Variants in RTN4 observed in about 807,000 individuals in gnomAD.
RTN4 encodes the protein reticulon 4.
RTN4 carries 32 observed loss-of-function variants against 90.4 expected under a neutral mutation model. The observed-to-expected ratio is 0.35, with a 90% CI of 0.27 to 0.48. The LOEUF is 0.48. Ranked by LOEUF, RTN4 falls within the 20% of genes least tolerant of loss-of-function variation. RTN4 has a pLI of 0.99. For missense variants in RTN4, 1,706 were observed against 1,430.2 expected (o/e 1.19, Z -3.11); for synonymous variants, 629 against 552.5 (o/e 1.14, Z -1.94).
chr2:55,113,241 G>A (rs1310997211), upstream of RTN4, among the ~76,000 whole-genome samples: 1 of 152,232 alleles, frequency 6.6e-6, no homozygotes, highest in South Asian at 2.1e-4. Flanking sequence ...GCTTCCTGGG[G>A]TGGGAAAAGG....
intron 3 of RTN4, among the ~76,000 whole-genome samples, chr2:55,001,364 G>C (rs913015331): frequency 6.6e-6 from 1 of 152,122 alleles, no homozygotes; most frequent in Admixed American, 6.5e-5. Context: ...AAAAATATGC[G>C]TCTCTAGCTC....
At chr2:55,014,828 T>C (rs1403819102) in intron 3 of RTN4, among the ~76,000 whole-genome samples, 1 of 152,124 alleles carries the variant, frequency 6.6e-6, no homozygotes, top group African/African-American at 2.4e-5. Flanking sequence ...AGCACGCATT[T>C]TTAAATTCTG....
At chr2:55,124,799 T>C in the RTN4 span, among the ~76,000 whole-genome samples, 2 of 152,186 alleles carry the variant, frequency 1.3e-5, no homozygotes, top group African/African-American at 4.8e-5. Context: ...TATCACATTA[T>C]GCAAGTTTAA....
At chr2:55,033,031 T>G (rs1222964934) in intron 1 of RTN4, among the ~76,000 whole-genome samples, 1 of 143,132 alleles carries the variant, frequency 7.0e-6, no homozygotes, top group Non-Finnish European at 1.5e-5. Context: ...CCTGTCTCTT[T>G]AAAAAAGACT....
At chr2:55,078,938 A>C (rs1668653535) in intron 2 of RTN4, among the ~76,000 whole-genome samples, 1 of 152,236 alleles carries the variant, frequency 6.6e-6, no homozygotes, top group African/African-American at 2.4e-5. Flanking sequence ...CTTGGGAATA[A>C]GGAGAGGAAA....
chr2:55,062,582 C>T (rs928414464), intron 2 of RTN4, among the ~76,000 whole-genome samples: 1 of 152,204 alleles, frequency 6.6e-6, no homozygotes, highest in Non-Finnish European at 1.5e-5. Context: ...CAAATTTGAA[C>T]ATTTTTGGCA....
At chr2:55,041,449 ATATT>A (rs1194747421) in intron 1 of RTN4, among the ~76,000 whole-genome samples, 1 of 152,112 alleles carries the variant, frequency 6.6e-6, no homozygotes, top group African/African-American at 2.4e-5. Flanking sequence ...GCCAAGAAAA[ATATT>A]TATGGAAAAG....
At chr2:55,053,691 A>C (rs886409558), upstream of RTN4, among the ~76,000 whole-genome samples, 5 of 110,810 alleles carry the variant, frequency 4.5e-5, no homozygotes, top group South Asian at 2.5e-4. Context: ...CATCTCAAAA[A>C]AAAACAAAAA....
chr2:55,046,163 T>C (rs1667706419), intron 1 of RTN4, among the ~76,000 whole-genome samples: 2 of 152,252 alleles, frequency 1.3e-5, no homozygotes, highest in African/African-American at 2.4e-5. Flanking sequence ...GGCTAGTCTA[T>C]GCTTCTAACC....
intron 3 of RTN4, among the ~76,000 whole-genome samples, chr2:55,003,119 T>C (rs2104756109): frequency 6.6e-6 from 1 of 151,886 alleles, no homozygotes; most frequent in Non-Finnish European, 1.5e-5. Context: ...TATACTGGAG[T>C]TGGGGGAGGG....
chr2:55,007,358 C>A (rs1680303672), intron 3 of RTN4, among the ~76,000 whole-genome samples: 1 of 152,092 alleles, frequency 6.6e-6, no homozygotes, highest in South Asian at 2.1e-4. Flanking sequence ...TTATGCAGCA[C>A]CCTAAACCAA....
At chr2:55,127,011 G>A in the RTN4 span, among the ~76,000 whole-genome samples, 2 of 152,302 alleles carry the variant, frequency 1.3e-5, no homozygotes, top group South Asian at 2.1e-4. Flanking sequence ...GTCTACTTGA[G>A]GGGGAGAGTA....
intron 3 of RTN4, among the ~76,000 whole-genome samples, chr2:54,996,350 T>C (rs1185365105): frequency 1.3e-5 from 2 of 152,188 alleles, no homozygotes; most frequent in Admixed American, 1.3e-4. Context: ...AAAATTCATA[T>C]GGAAATATAA....
chr2:55,021,512 G>A (rs112554452), intron 3 of RTN4, among the ~76,000 whole-genome samples: 3,951 of 146,948 alleles, frequency 0.027, 94 homozygotes, highest in South Asian at 0.096. Context: ...TGTGGAGAAC[G>A]GAGTCTCACT....
At chr2:55,060,149 T>C (rs1424283694) in intron 2 of RTN4, among the ~76,000 whole-genome samples, 1 of 152,130 alleles carries the variant, frequency 6.6e-6, no homozygotes, top group African/African-American at 2.4e-5. Context: ...AGATTGGATT[T>C]CTAACAATCT....
intron 5 of RTN4, among the ~76,000 whole-genome samples, chr2:54,975,271 A>T (rs1053164852): frequency 1.3e-5 from 2 of 152,232 alleles, no homozygotes; most frequent in African/African-American, 4.8e-5. Context: ...CCTTTGAAGG[A>T]TCAGGCACAA....
intron 3 of RTN4, among the ~76,000 whole-genome samples, chr2:54,989,519 CAT>C (rs1238247567): frequency 1.3e-5 from 2 of 152,090 alleles, no homozygotes; most frequent in Admixed American, 1.3e-4. Flanking sequence ...CGAATAATGT[CAT>C]ATTGAATAAA....
the RTN4 span, among the ~76,000 whole-genome samples, chr2:55,119,808 T>C: frequency 2.0e-5 from 3 of 152,158 alleles, no homozygotes; most frequent in Non-Finnish European, 4.4e-5. Flanking sequence ...CCTCATGTCA[T>C]AGGGCTGTTG....
rs189557235 is a variant in RTN4 at position 55,096,266 on chromosome 2, C to T, written c.-213-15627G>A. Among the ~76,000 whole-genome samples, 540 of 152,024 alleles carry T rather than the reference C, an allele frequency of 3.6e-3. 3 individuals carry two copies. The highest frequency in any genetic ancestry group is 0.01 in the Middle Eastern group (3 of 294). ...GCTTGAACCCGGGAGGCGGAGGTTG[C>T]TGTGAGCCAATATCACACCATTGCA... On this transcript the variant is annotated intron_variant, in intron 1 of 3. Coordinates refer to the RTN4 transcript ENST00000427710.
Sources: allele counts gnomAD v4.1 joint callset (sites outside exome capture counted in the v4.1 genomes callset), GRCh38; gene constraint gnomAD v4.1.1; transcripts MANE v1.5; gene names NCBI Gene and HGNC (gene_info 2026-07-23, HGNC 2026-07-21).